SCAMP1: variants seen among roughly 807,000 people sequenced by gnomAD.
SCAMP1 encodes secretory carrier membrane protein 1, also known as secretory carrier-associated membrane protein 1.
Under a neutral mutation model 41.8 loss-of-function variants are expected in SCAMP1, and 15 were observed. That is an observed-to-expected ratio of 0.36 (90% CI 0.24 to 0.55). SCAMP1 has a LOEUF of 0.55. Among genes scored for constraint, SCAMP1 ranks in the 20% least tolerant of loss-of-function variants. The pLI is 0.86. For missense variants in SCAMP1, 341 were observed against 412.6 expected (o/e 0.83, Z 1.50); for synonymous variants, 135 against 136.8 (o/e 0.99, Z 0.09).
Position 78,478,149 on chromosome 5 carries a change from A to G in SCAMP1, c.*2481A>G, listed in dbSNP as rs1754047912. On this transcript the variant is annotated 3_prime_UTR_variant, in exon 9 of 9. Transcript: ENST00000621999. Reference sequence around the variant, plus strand: ...CAGTAACTAATACTGCGCTGCCATCATGGTGACTGTCATGGTTCTACAGAA... The same window carrying G: ...CAGTAACTAATACTGCGCTGCCATCGTGGTGACTGTCATGGTTCTACAGAA... 6.6e-6 allele frequency: 1 copy of G among 152,616 alleles called. No homozygotes were observed. Among genetic ancestry groups the G allele is most frequent in the Non-Finnish European group, 1.5e-5 (1 of 68,000 alleles). 9.5% of individuals were successfully genotyped at this position (152,616 alleles called of 1,614,324 possible). A position where few individuals can be genotyped will look rare whatever the true frequency, so the allele number is the denominator to read the frequency against.
At position 78,469,890 on chromosome 5, in the gene SCAMP1, T is replaced by TAAAAAAAAAAAA. The variant is rs141989832; in HGVS notation, c.853-5603_853-5592dup. 5.3e-4 allele frequency among the ~76,000 whole-genome samples: 8 copies of TAAAAAAAAAAAA among 15,020 alleles called. 1 individual carries two copies. The highest frequency in any genetic ancestry group is 1.0e-3 in the Non-Finnish European group (6 of 5,874). The allele number at this position is 15,020 out of a possible 152,430, so 9.9% of individuals were successfully genotyped here. ...TACCCTCCAACCCCTTACAAGACAT[T>TAAAAAAAAAAAA]AAAAAAAAAAAAAAAAAAAAAACAA... On this transcript the variant is annotated intron_variant, in intron 8 of 8. Transcript: ENST00000621999.
At chr5:78,381,774 A>G (rs967411485) in intron 1 of SCAMP1, among the ~76,000 whole-genome samples, 2 of 152,176 alleles carry the variant, frequency 1.3e-5, no homozygotes, top group Non-Finnish European at 2.9e-5. Context: ...CTCCTTATTC[A>G]GTAGGTTGTT....
At chr5:78,384,796 T>G (rs1004978985) in intron 1 of SCAMP1, among the ~76,000 whole-genome samples, 1 of 152,210 alleles carries the variant, frequency 6.6e-6, no homozygotes, top group Non-Finnish European at 1.5e-5. Flanking sequence ...ATCCCTCTTA[T>G]GAAACCACTT....
rs535939286 is a variant in SCAMP1, at chr5:78,469,717, A to C, written c.853-5787A>C. On this transcript the variant is annotated intron_variant, in intron 8 of 8. Transcript: ENST00000621999. ...AGCTTTATTGAAATATAATTCACAT[A>C]CAATTCACCCATTTAAAATATACGG... Among the ~76,000 whole-genome samples, 35 of 151,780 alleles carry C rather than the reference A, an allele frequency of 2.3e-4. 1 individual carries two copies. The highest frequency in any genetic ancestry group is 1.1e-3 in the Admixed American group (17 of 15,204).
At chr5:78,368,901 CCAAA>C (rs1399910273) in intron 1 of SCAMP1, among the ~76,000 whole-genome samples, 2 of 151,852 alleles carry the variant, frequency 1.3e-5, no homozygotes, top group Non-Finnish European at 1.5e-5. Flanking sequence ...TAAATTTTGT[CCAAA>C]CAGACTTTTA....
At chr5:78,445,170 A>G (rs1753023857) in intron 6 of SCAMP1, among the ~76,000 whole-genome samples, 5 of 152,234 alleles carry the variant, frequency 3.3e-5, no homozygotes, top group Admixed American at 2.6e-4. Flanking sequence ...AATAAACTTT[A>G]CAAGATCAAA....
At chr5:78,444,142 A>G (rs529360710) in intron 6 of SCAMP1, among the ~76,000 whole-genome samples, 1 of 152,324 alleles carries the variant, frequency 6.6e-6, no homozygotes, top group Non-Finnish European at 1.5e-5. Flanking sequence ...AAGTTACTAA[A>G]GAGGGAATAT....
intron 5 of SCAMP1, among the ~76,000 whole-genome samples, chr5:78,420,489 G>A (rs1277798936): frequency 5.9e-5 from 9 of 151,834 alleles, no homozygotes. Context: ...AGGGTTTTGA[G>A]TAAATTTATT....
chr5:78,425,159 A>G (rs80014208), intron 6 of SCAMP1, among the ~76,000 whole-genome samples: 92 of 152,296 alleles, frequency 6.0e-4, no homozygotes, highest in African/African-American at 2.1e-3. Context: ...TTTCTTATAG[A>G]TTATATTTTA....
intron 6 of SCAMP1, among the ~76,000 whole-genome samples, chr5:78,430,222 T>TTATAAATACTG (rs1752581175): frequency 1.9e-5 from 2 of 107,930 alleles, no homozygotes; most frequent in African/African-American, 1.1e-4. Context: ...AATACAGTAT[T>TTATAAATACTG]TATTTATAAA....
intron 8 of SCAMP1, among the ~76,000 whole-genome samples, chr5:78,466,661 G>C (rs1158736292): frequency 3.3e-5 from 5 of 152,180 alleles, no homozygotes; most frequent in African/African-American, 1.2e-4. Flanking sequence ...TTATCCTACA[G>C]GGTCTTGTTA....
At chr5:78,401,211 C>T (rs531286307) in intron 2 of SCAMP1, among the ~76,000 whole-genome samples, 19 of 152,078 alleles carry the variant, frequency 1.2e-4, no homozygotes, top group Non-Finnish European at 1.9e-4. Context: ...GTATGTGATT[C>T]GTTTCATATA....
At chr5:78,392,893 C>A (rs1159767461) in intron 2 of SCAMP1, among the ~76,000 whole-genome samples, 1 of 152,030 alleles carries the variant, frequency 6.6e-6, no homozygotes, top group Non-Finnish European at 1.5e-5. Flanking sequence ...AGACCTTGGT[C>A]CTGTTTTAGT....
At chr5:78,443,124 A>G (rs1752967474) in intron 6 of SCAMP1, among the ~76,000 whole-genome samples, 1 of 150,162 alleles carries the variant, frequency 6.7e-6, no homozygotes. Flanking sequence ...GAGGCAGGAG[A>G]ATGGCATGAA....
At chr5:78,383,092 A>G (rs1004515855) in intron 1 of SCAMP1, among the ~76,000 whole-genome samples, 2 of 152,126 alleles carry the variant, frequency 1.3e-5, no homozygotes, top group Admixed American at 6.5e-5. Context: ...CCTTTTTACC[A>G]CATCCACACA....
chr5:78,475,110 G>T (rs982491824), intron 8 of SCAMP1, among the ~76,000 whole-genome samples: 8 of 152,062 alleles, frequency 5.3e-5, no homozygotes, highest in Non-Finnish European at 1.2e-4. Context: ...AATAGATAAG[G>T]TACTGTTCTC....
At chr5:78,426,378 C>G (rs1256923760) in intron 6 of SCAMP1, among the ~76,000 whole-genome samples, 2 of 152,186 alleles carry the variant, frequency 1.3e-5, no homozygotes, top group Non-Finnish European at 2.9e-5. Context: ...ACACTGTCTT[C>G]CACAATGGTT....
At chr5:78,429,364 A>T (rs78243379) in intron 6 of SCAMP1, among the ~76,000 whole-genome samples, 72 of 136,058 alleles carry the variant, frequency 5.3e-4, no homozygotes, top group Middle Eastern at 3.5e-3. Context: ...TTTTTTTTTA[A>T]TTTTTTTTTA....
chr5:78,368,723 A>AT (rs1383131050), intron 1 of SCAMP1, among the ~76,000 whole-genome samples: 2 of 152,194 alleles, frequency 1.3e-5, no homozygotes, highest in Admixed American at 1.3e-4. Context: ...AGGAAGAACA[A>AT]TTTAAGTTTC....
Sources: allele counts gnomAD v4.1 joint callset (sites outside exome capture counted in the v4.1 genomes callset), GRCh38; gene constraint gnomAD v4.1.1; transcripts MANE v1.5; gene names NCBI Gene and HGNC (gene_info 2026-07-23, HGNC 2026-07-21).